The following ARAP2 variants were observed in gnomAD, a reference collection of about 807,000 sequenced individuals.
ARAP2 encodes the protein ArfGAP with RhoGAP domain, ankyrin repeat and PH domain 2.
In ARAP2, 148 loss-of-function variants were observed where a neutral mutation model predicts 194.5. The ratio of observed to expected loss-of-function variants is 0.76; its 90% CI spans 0.67 to 0.87. The LOEUF (loss-of-function observed/expected upper bound fraction) is 0.87, where lower values mean the gene tolerates loss of function less well. Ranked by LOEUF, ARAP2 falls within the 40% of genes least tolerant of loss-of-function variation. The pLI is 0.00. For synonymous variants in ARAP2, 695 were observed against 683.5 expected (o/e 1.02, Z -0.26); for missense variants, 2,128 against 1,989.7 (o/e 1.07, Z -1.32).
In ARAP2 at chr4:36,158,768, G is replaced by A; in HGVS notation, c.2714C>T (p.Ala905Val). 6.2e-7 allele frequency: 1 copy of A among 1,611,620 alleles called. No homozygotes were observed. The highest frequency in any genetic ancestry group is 1.7e-5 in the Admixed American group (1 of 59,808). The change falls in exon 15 of 33, where the codon GCT becomes GTT. Residue 905 changes from alanine (A) to valine (V), a missense_variant. By Grantham distance (64) the Ala-to-Val change is moderately conservative. Coordinates refer to ENST00000303965, the MANE Select transcript of ARAP2 (RefSeq NM_015230.4). ...LCDFLYQAPS[A>V]ASKLSSEKKL... ...TTTCTCTGAAGAGAGTTTAGAAGCA[G>A]CAGAAGGAGCTTGATATAAAAAGTC...
chr4:36,124,748 G>T, intron 22 of ARAP2, 114 bp downstream of exon 22: 1 of 574,690 alleles, frequency 1.7e-6, no homozygotes, highest in South Asian at 3.6e-5. Context: ...ATTACAGAAA[G>T]AGAGACTAAG....
chr4:36,070,973 C>T lies in ARAP2; in HGVS notation c.4744-2695G>A, dbSNP rs544786382. Among the ~76,000 whole-genome samples, 3 of 152,234 alleles carry T rather than the reference C, an allele frequency of 2.0e-5. No individual in the cohort carries two copies. In the South Asian group the frequency reaches 6.2e-4, roughly 32 times the overall value. ...TGGCCTTTCTGAAATCAATGTGCTG[C>T]TTTCTACCACATCAAACTGTGCTCA... is the stretch of plus-strand genomic sequence containing the variant. On this transcript the variant is annotated intron_variant, in intron 32 of 32. Coordinates refer to ENST00000303965, the MANE Select transcript of ARAP2 (RefSeq NM_015230.4).
intron 3 of ARAP2, among the ~76,000 whole-genome samples, chr4:36,051,218 T>C (rs1023989715): frequency 6.6e-6 from 1 of 152,160 alleles, no homozygotes; most frequent in Admixed American, 6.5e-5. Flanking sequence ...TGCATAACAA[T>C]GGGCCAGGCC....
At chr4:36,205,300 TA>T (rs757588023) in intron 6 of ARAP2, among the ~76,000 whole-genome samples, 8 of 151,098 alleles carry the variant, frequency 5.3e-5, no homozygotes, top group South Asian at 2.1e-4. Flanking sequence ...ACTGAAAAGT[TA>T]AAAAAAAATC....
chr4:36,160,672 T>C (rs1274225934), intron 12 of ARAP2, 31 bp from the exon 13 acceptor site: 2 of 1,373,394 alleles, frequency 1.5e-6, no homozygotes, highest in Non-Finnish European at 1.9e-6. Context: ...CCCCATAATA[T>C]ATCAGTTCAT....
chr4:36,079,448 C>T (rs1368934663), intron 31 of ARAP2, among the ~76,000 whole-genome samples: 1 of 152,094 alleles, frequency 6.6e-6, no homozygotes, highest in East Asian at 1.9e-4. Context: ...AAAATACCTC[C>T]TCAGTAATAA....
intron 5 of ARAP2, among the ~76,000 whole-genome samples, chr4:36,032,095 C>T (rs1246164891): frequency 6.6e-6 from 1 of 152,188 alleles, no homozygotes; most frequent in East Asian, 1.9e-4. Context: ...CTGAACTTAA[C>T]TTCCAATATG....
At chr4:36,077,118 A>T (rs532771828) in intron 31 of ARAP2, among the ~76,000 whole-genome samples, 1 of 152,086 alleles carries the variant, frequency 6.6e-6, no homozygotes, top group Non-Finnish European at 1.5e-5. Flanking sequence ...GGAACTAAGG[A>T]CTAGACATTT....
At chr4:36,056,781 A>C in intron 2 of ARAP2, among the ~76,000 whole-genome samples, 1 of 152,120 alleles carries the variant, frequency 6.6e-6, no homozygotes, top group East Asian at 1.9e-4. Flanking sequence ...TGAAAGTCAT[A>C]TGTTCTTTCA....
chr4:36,032,912 T>G (rs1268546950), intron 5 of ARAP2, among the ~76,000 whole-genome samples: 1 of 152,170 alleles, frequency 6.6e-6, no homozygotes, highest in Non-Finnish European at 1.5e-5. Flanking sequence ...CACTTATACT[T>G]GAGAACATGC....
At chr4:36,198,135 T>G in intron 6 of ARAP2, among the ~76,000 whole-genome samples, 1 of 152,248 alleles carries the variant, frequency 6.6e-6, no homozygotes, top group South Asian at 2.1e-4. Context: ...AGTGATAGAA[T>G]AGCTCAGAGG....
Position 36,114,709 on chromosome 4 carries a change from C to T in ARAP2, c.4039-422G>A, listed in dbSNP as rs558158669. Among the ~76,000 whole-genome samples the T allele has an allele frequency of 7.8e-4, 119 of 152,080 alleles. 2 individuals carry two copies. The Middle Eastern group carries it at 0.014, about 17-fold the overall frequency. ...TAAATTATACACAGTCAATGGCTAT[C>T]GGTCATGCCAAAAAGCTCCAGGGTC... On this transcript the variant is annotated intron_variant, in intron 25 of 32. Coordinates refer to ENST00000303965, the MANE Select transcript of ARAP2 (RefSeq NM_015230.4).
At chr4:36,106,048 G>C (rs555327458) in intron 27 of ARAP2, among the ~76,000 whole-genome samples, 5 of 152,026 alleles carry the variant, frequency 3.3e-5, no homozygotes, top group Admixed American at 1.3e-4. Flanking sequence ...AGTGACCCTT[G>C]GTCTGTACCC....
chr4:36,126,217 A>T (rs1046941723), intron 21 of ARAP2, among the ~76,000 whole-genome samples: 7 of 152,030 alleles, frequency 4.6e-5, no homozygotes, highest in African/African-American at 1.7e-4. Context: ...TCCCAGTATA[A>T]TGCAAACATT....
At chr4:36,129,911 C>T (rs1725000845) in intron 20 of ARAP2, among the ~76,000 whole-genome samples, 1 of 151,828 alleles carries the variant, frequency 6.6e-6, no homozygotes, top group Non-Finnish European at 1.5e-5. Context: ...TTCTCCTGCC[C>T]TGTTTACTAC....
At chr4:36,131,511 T>C (rs1725454270) in intron 20 of ARAP2, among the ~76,000 whole-genome samples, 1 of 151,604 alleles carries the variant, frequency 6.6e-6, no homozygotes, top group South Asian at 2.1e-4. Context: ...TTGGCTTTAT[T>C]ATTCTAACAT....
At chr4:36,091,196 T>G (rs1713541332) in intron 28 of ARAP2, among the ~76,000 whole-genome samples, 1 of 152,166 alleles carries the variant, frequency 6.6e-6, no homozygotes, top group African/African-American at 2.4e-5. Flanking sequence ...GCAGAACTCA[T>G]ACTATCTTAA....
At chr4:36,078,342 G>A (rs75108734) in intron 31 of ARAP2, among the ~76,000 whole-genome samples, 1 of 152,118 alleles carries the variant, frequency 6.6e-6, no homozygotes, top group Admixed American at 6.6e-5. Context: ...CTGAGAATGG[G>A]ATATTTAAGC....
Position 36,124,960 on chromosome 4 carries a change from T to C in ARAP2, c.3648A>G (p.Gln1216=), listed in dbSNP as rs751267784. Residue 1216 remains glutamine (Q), a synonymous_variant, in exon 22 of 33, where the codon CAA becomes CAG. Coordinates refer to ENST00000303965, the MANE Select transcript of ARAP2 (RefSeq NM_015230.4). The part of the protein sequence containing the change: ...YPYWISALDT[Q]DDKERIKKYG... ...ATTTTTTAATTCTTTCCTTGTCATC[T>C]TGCGTATCTGAAGGGGAAAAAAAAA... 6.2e-7 allele frequency: 1 copy of C among 1,604,844 alleles called. No individual in the cohort carries two copies. Among genetic ancestry groups the C allele is most frequent in the Non-Finnish European group, 8.5e-7 (1 of 1,173,352 alleles).
Sources: allele counts gnomAD v4.1 joint callset (sites outside exome capture counted in the v4.1 genomes callset), GRCh38; gene constraint gnomAD v4.1.1; transcripts MANE v1.5; gene names NCBI Gene and HGNC (gene_info 2026-07-23, HGNC 2026-07-21).